LRRTM3: variants seen among roughly 807,000 people sequenced by gnomAD.
The protein encoded by LRRTM3 is leucine rich repeat transmembrane neuronal 3, also known as leucine-rich repeat transmembrane neuronal protein 3.
In LRRTM3, 24 loss-of-function variants were observed where a neutral mutation model predicts 44.7. That is an observed-to-expected ratio of 0.54 (90% CI 0.39 to 0.76). The LOEUF (loss-of-function observed/expected upper bound fraction) is 0.76, where lower values mean the gene tolerates loss of function less well. Among genes scored for constraint, LRRTM3 ranks in the 30% least tolerant of loss-of-function variants. The pLI is 0.00. For synonymous variants in LRRTM3, 277 were observed against 278.7 expected (o/e 0.99, Z 0.06); for missense variants, 587 against 702.2 (o/e 0.84, Z 1.85).
intron 2 of LRRTM3, among the ~76,000 whole-genome samples, chr10:67,079,858 AACACACACACACACACACACACACAC>A (rs199928311): frequency 5.7e-5 from 8 of 141,362 alleles, no homozygotes; most frequent in Middle Eastern, 3.5e-3. Flanking sequence ...AAAAAAACAA[AACACACACACACACACACACACACAC>A]ACACACACAC....
At chr10:66,930,786 A>G (rs1038325388) in intron 2 of LRRTM3, among the ~76,000 whole-genome samples, 2 of 152,174 alleles carry the variant, frequency 1.3e-5, no homozygotes, top group African/African-American at 4.8e-5. Flanking sequence ...TTAATGCCTA[A>G]CTTTACTAAT....
intron 2 of LRRTM3, among the ~76,000 whole-genome samples, chr10:67,034,629 A>G (rs1268943299): frequency 1.3e-5 from 2 of 152,174 alleles, no homozygotes; most frequent in Non-Finnish European, 2.9e-5. Flanking sequence ...AATAAATTAC[A>G]AGAATGGCCG....
At chr10:67,013,411 T>C (rs1214859764) in intron 2 of LRRTM3, among the ~76,000 whole-genome samples, 1 of 152,198 alleles carries the variant, frequency 6.6e-6, no homozygotes, top group Non-Finnish European at 1.5e-5. Context: ...CTTCAAACAA[T>C]CATTGTTATC....
chr10:67,046,578 G>A (rs1338113713), intron 2 of LRRTM3, among the ~76,000 whole-genome samples: 1 of 151,994 alleles, frequency 6.6e-6, no homozygotes, highest in Non-Finnish European at 1.5e-5. Context: ...ATCAATTATT[G>A]ACATTTTATA....
Position 66,927,183 on chromosome 10 carries a change from G to A in LRRTM3, c.267G>A (p.Trp89Ter). Residue 89 changes from tryptophan (W) to a stop codon, truncating the protein, a stop_gained, in exon 2 of 3, where the codon TGG (tryptophan) becomes TGA (stop). Coordinates refer to ENST00000361320, the MANE Select transcript of LRRTM3 (RefSeq NM_178011.5). LOFTEE classifies it high-confidence loss of function. The surrounding 1 kb of genome is among the most constrained non-coding windows in gnomAD (Gnocchi z 4.7). ...TTAAAGGGCTCAACCAGCTCACCTGGCTATACCTTGACCATAACCATATCA... is the reference window on the plus strand; with the variant it reads ...TTAAAGGGCTCAACCAGCTCACCTGACTATACCTTGACCATAACCATATCA... The part of the protein sequence containing the change: ...NQFKGLNQLT[W>*]LYLDHNHISN... 6.2e-7 allele frequency: 1 copy of A among 1,614,090 alleles called. No homozygotes were observed. The highest frequency in any genetic ancestry group is 2.2e-5 in the East Asian group (1 of 44,878).
At chr10:66,952,203 C>CCAAAA (rs1848570891) in intron 2 of LRRTM3, among the ~76,000 whole-genome samples, 1 of 152,144 alleles carries the variant, frequency 6.6e-6, no homozygotes, top group African/African-American at 2.4e-5. Flanking sequence ...TGGCAAAAGT[C>CCAAAA]TTTGCTAAGA....
intron 2 of LRRTM3, among the ~76,000 whole-genome samples, chr10:67,031,265 C>T (rs1016761659): frequency 1.3e-5 from 2 of 151,972 alleles, no homozygotes; most frequent in African/African-American, 4.8e-5. Context: ...TGTTCAACAT[C>T]AAATGAGGTA....
intron 2 of LRRTM3, among the ~76,000 whole-genome samples, chr10:67,028,948 T>C (rs1387981107): frequency 6.6e-6 from 1 of 152,176 alleles, no homozygotes; most frequent in East Asian, 1.9e-4. Flanking sequence ...TACCACATAC[T>C]TAGAAATTAG....
At chr10:66,936,207 C>T (rs566093905) in intron 2 of LRRTM3, among the ~76,000 whole-genome samples, 65 of 152,172 alleles carry the variant, frequency 4.3e-4, no homozygotes, top group Middle Eastern at 6.8e-3. Flanking sequence ...TGTGTGGAGT[C>T]TTTATTAGTT....
chr10:67,095,388 A>G (rs966032584), intron 2 of LRRTM3, among the ~76,000 whole-genome samples: 1 of 151,812 alleles, frequency 6.6e-6, no homozygotes, highest in African/African-American at 2.4e-5. Flanking sequence ...GGCATAAAGT[A>G]TTTCAAAATA....
intron 2 of LRRTM3, among the ~76,000 whole-genome samples, chr10:66,965,470 G>A (rs1297226862): frequency 2.6e-5 from 4 of 151,344 alleles, no homozygotes; most frequent in African/African-American, 9.7e-5. Context: ...GGGAGGCAGA[G>A]GTTGCAGTGA....
chr10:67,059,336 G>A (rs959481878), intron 2 of LRRTM3, among the ~76,000 whole-genome samples: 1 of 152,064 alleles, frequency 6.6e-6, no homozygotes, highest in Admixed American at 6.6e-5. Context: ...TTTCAGCAGA[G>A]AAAAAGCAAA....
At chr10:66,956,618 A>C (rs1255247571) in intron 2 of LRRTM3, among the ~76,000 whole-genome samples, 1 of 152,204 alleles carries the variant, frequency 6.6e-6, no homozygotes, top group Non-Finnish European at 1.5e-5. Context: ...AAAAGGCATA[A>C]TGCTGTCATT....
At chr10:67,041,471 C>G (rs1198831843) in intron 2 of LRRTM3, among the ~76,000 whole-genome samples, 1 of 152,120 alleles carries the variant, frequency 6.6e-6, no homozygotes, top group African/African-American at 2.4e-5. Flanking sequence ...TAATCACCAT[C>G]AATTCTTATA....
At chr10:67,063,936 G>A (rs1260107616) in intron 2 of LRRTM3, among the ~76,000 whole-genome samples, 2 of 152,120 alleles carry the variant, frequency 1.3e-5, no homozygotes, top group African/African-American at 4.8e-5. Flanking sequence ...TTTACCTTCT[G>A]CACACACACT....
intron 2 of LRRTM3, among the ~76,000 whole-genome samples, chr10:66,964,810 C>T (rs189814195): frequency 2.6e-5 from 4 of 152,218 alleles, no homozygotes; most frequent in Admixed American, 2.6e-4. Context: ...AGACTGCAAA[C>T]CCATCCAGCT....
chr10:66,987,914 G>C (rs761153548), intron 2 of LRRTM3, among the ~76,000 whole-genome samples: 17 of 151,954 alleles, frequency 1.1e-4, no homozygotes, highest in Admixed American at 5.9e-4. Context: ...AAAAAATCAG[G>C]TTTTCAATTT....
rs1024798227 is a variant in LRRTM3 at position 66,935,086 on chromosome 10, T to C, written c.1536+6634T>C. On this transcript the variant is annotated intron_variant, in intron 2 of 2. Transcript: ENST00000361320. ...GCTCCTTGTCATTAATATTGATCTA[T>C]GTACTTTCTAAAAGAAAGAATATGC... Among the ~76,000 whole-genome samples the C allele has an allele frequency of 1.2e-4, 18 of 152,086 alleles. 1 individual carries two copies. The highest frequency in any genetic ancestry group is 4.1e-4 in the African/African-American group (17 of 41,440).
intron 2 of LRRTM3, among the ~76,000 whole-genome samples, chr10:67,034,039 TGA>T (rs1853893354): frequency 6.6e-6 from 1 of 152,334 alleles, no homozygotes; most frequent in Non-Finnish European, 1.5e-5. Flanking sequence ...TCCAACGTGC[TGA>T]GACTACAGGC....
Sources: allele counts gnomAD v4.1 joint callset (sites outside exome capture counted in the v4.1 genomes callset), GRCh38; gene constraint gnomAD v4.1.1; non-coding constraint Gnocchi (gnomAD v3.1); transcripts MANE v1.5; gene names NCBI Gene and HGNC (gene_info 2026-07-23, HGNC 2026-07-21).